PADI4: variants seen among roughly 807,000 people sequenced by gnomAD.
The protein encoded by PADI4 is peptidyl arginine deiminase 4.
A neutral mutation model predicts 75.0 loss-of-function variants in PADI4; 62 were observed. That is an observed-to-expected ratio of 0.83 (90% CI 0.67 to 1.02). PADI4 has a LOEUF of 1.02. Ranked by LOEUF, PADI4 falls within the 50% of genes least tolerant of loss-of-function variation. The pLI is 0.00. For synonymous variants in PADI4, 361 were observed against 348.1 expected, an observed-to-expected ratio of 1.04 and a Z score of -0.41; for missense variants, 845 against 850.5, an observed-to-expected ratio of 0.99 and a Z score of 0.08.
At chr1:17,352,740 G>A (rs901326004) in intron 10 of PADI4, among the ~76,000 whole-genome samples, 1 of 152,186 alleles carries the variant, frequency 6.6e-6, no homozygotes, top group Non-Finnish European at 1.5e-5. Flanking sequence ...GGGAAGAGGG[G>A]ACCCAAAGTT....
chr1:17,354,696 G>A lies in PADI4; in HGVS notation c.1310+9G>A. On this transcript the variant is annotated intron_variant, in intron 11 of 15. Coordinates refer to ENST00000375448, the MANE Select transcript of PADI4 (RefSeq NM_012387.3). ...GACAGCTGTTATCCCAGGTAAGGAG[G>A]GGAGTAACAGGAAGGGGTGGCCAGG... is the stretch of plus-strand genomic sequence containing the variant. 2 of 1,589,986 alleles carry A rather than the reference G, an allele frequency of 1.3e-6. No individual in the cohort carries two copies. Among genetic ancestry groups the A allele is most frequent in the Non-Finnish European group, 1.7e-6 (2 of 1,166,966 alleles).
intron 1 of PADI4, among the ~76,000 whole-genome samples, 169 bp downstream of exon 1, chr1:17,308,483 C>T (rs1156240376): frequency 2.6e-5 from 4 of 152,192 alleles, no homozygotes; most frequent in African/African-American, 9.7e-5. Context: ...TGGGAAGTGC[C>T]AGTCTCATGG....
chr1:17,339,610 C>T, intron 5 of PADI4, 78 bp from the exon 6 acceptor site: 1 of 1,540,960 alleles, frequency 6.5e-7, no homozygotes, highest in Non-Finnish European at 8.9e-7. Context: ...TGAGGCTCCA[C>T]CAGGAGGTGA....
chr1:17,329,398 A>T (rs1157168149), intron 1 of PADI4, among the ~76,000 whole-genome samples: 2 of 152,072 alleles, frequency 1.3e-5, no homozygotes, highest in African/African-American at 4.8e-5. Context: ...ACTACTGTTG[A>T]TGGGAGGCTT....
intron 4 of PADI4, 69 bp from the exon 5 acceptor site, chr1:17,337,969 A>C: frequency 1.3e-6 from 1 of 769,468 alleles, no homozygotes; most frequent in Non-Finnish European, 2.2e-6. Flanking sequence ...GGGAGTTGCT[A>C]TGCCTCTTGC....
Position 17,356,572 on chromosome 1 carries a change from G to A in PADI4, c.1558+113G>A, listed in dbSNP as rs1250675212. 9.0e-6 allele frequency: 6 copies of A among 665,852 alleles called. No homozygotes were observed. Among genetic ancestry groups the A allele is most frequent in the Non-Finnish European group, 1.3e-5 (5 of 371,698 alleles). The allele number at this position is 665,852 out of a possible 1,614,324, so 41.2% of individuals were successfully genotyped here. On this transcript the variant is annotated intron_variant, in intron 13 of 15. Coordinates refer to ENST00000375448, the MANE Select transcript of PADI4 (RefSeq NM_012387.3). The surrounding 1 kb of genome is among the most constrained non-coding windows in gnomAD (Gnocchi z 4.1). ...AGGGTAGCATCTGAGCACCTACTGT[G>A]CGCCAGGCACTGTGCCAAGTGCTAG...
chr1:17,342,932 G>T (rs1034883021), intron 8 of PADI4, among the ~76,000 whole-genome samples: 1 of 151,994 alleles, frequency 6.6e-6, no homozygotes, highest in Non-Finnish European at 1.5e-5. Context: ...CTGAGATTGC[G>T]CCACTGCGCT....
At chr1:17,341,879 G>T in intron 6 of PADI4, 64 bp from the exon 7 acceptor site, 1 of 1,295,254 alleles carries the variant, frequency 7.7e-7, no homozygotes, top group Admixed American at 2.0e-5. Context: ...GGAGCACTAA[G>T]GAGAGGAGGA....
chr1:17,310,299 C>T (rs2073797202), intron 1 of PADI4, among the ~76,000 whole-genome samples: 1 of 152,170 alleles, frequency 6.6e-6, no homozygotes, highest in Non-Finnish European at 1.5e-5. Flanking sequence ...GGAGCCAGGA[C>T]TCAACCCAGG....
intron 10 of PADI4, among the ~76,000 whole-genome samples, chr1:17,353,495 C>T (rs1387648133): frequency 1.3e-5 from 2 of 152,040 alleles, no homozygotes; most frequent in Admixed American, 6.6e-5. Flanking sequence ...CATAATTTGG[C>T]GTCTACTCTC....
At chr1:17,355,784 C>G (rs925656842) in intron 11 of PADI4, among the ~76,000 whole-genome samples, 199 bp from the exon 12 acceptor site, 16 of 152,212 alleles carry the variant, frequency 1.1e-4, no homozygotes, top group African/African-American at 3.9e-4. Context: ...GACTCTGTGC[C>G]TCAGTTTCCC....
intron 15 of PADI4, among the ~76,000 whole-genome samples, chr1:17,362,803 T>C (rs574831845): frequency 1.3e-5 from 2 of 152,268 alleles, no homozygotes; most frequent in African/African-American, 4.8e-5. Flanking sequence ...AGTTTTCTCA[T>C]TTGTAAAGTG....
chr1:17,354,306 C>G lies in PADI4; in HGVS notation c.1156-227C>G, dbSNP rs148339308. Among the ~76,000 whole-genome samples, 401 of 152,284 alleles carry G rather than the reference C, an allele frequency of 2.6e-3. 1 individual carries two copies. Among genetic ancestry groups the G allele is most frequent in the African/African-American group, 8.4e-3 (351 of 41,562 alleles). ...GCCCAAGTTAAGGTTTACCAAGCAG[C>G]TGGCACGCTTTAGGGACCCAACAAA... On this transcript the variant is annotated intron_variant, in intron 10 of 15. Transcript: ENST00000375448.
chr1:17,318,767 A>G (rs1462855269), intron 1 of PADI4, among the ~76,000 whole-genome samples: 2 of 146,384 alleles, frequency 1.4e-5, no homozygotes, highest in South Asian at 2.2e-4. Flanking sequence ...CTCACTGCAA[A>G]CTCCGCCTCC....
At position 17,331,005 on chromosome 1, in the gene PADI4, C is replaced by T. The variant is rs138052968; in HGVS notation, c.129C>T (p.Asn43=). The change falls in exon 2 of 16, where the codon AAC becomes AAT. Residue 43 remains asparagine, a synonymous_variant. Transcript: ENST00000375448. ...APEDCTSFSI[N]ASPGVVVDIA... ...AGGACTGCACGTCCTTCAGCATCAA[C>T]GCCTCCCCAGGGGTGGTCGTGGATA... 1.7e-4 allele frequency: 270 copies of T among 1,594,514 alleles called. 1 individual carries two copies. The highest frequency in any genetic ancestry group is 2.0e-4 in the Non-Finnish European group (238 of 1,172,560).
chr1:17,340,418 G>A (rs990498766), intron 6 of PADI4, among the ~76,000 whole-genome samples: 4 of 152,128 alleles, frequency 2.6e-5, no homozygotes, highest in African/African-American at 9.7e-5. Context: ...TGTGGAGAGA[G>A]GGTGGCCAGG....
chr1:17,344,160 G>A (rs2074473456), intron 8 of PADI4, among the ~76,000 whole-genome samples: 1 of 152,216 alleles, frequency 6.6e-6, no homozygotes, highest in Admixed American at 6.5e-5. Context: ...GGTGACTCTT[G>A]TTATGTTTTA....
chr1:17,336,164 T>A lies in PADI4; in HGVS notation c.346T>A (p.Ser116Thr). 2 of 1,612,240 alleles carry A rather than the reference T, an allele frequency of 1.2e-6. No individual in the cohort carries two copies. Among genetic ancestry groups the A allele is most frequent in the Non-Finnish European group, 1.7e-6 (2 of 1,178,292 alleles). The change falls in exon 4 of 16, where the codon TCC becomes ACC. Residue 116 changes from serine (S) to threonine (T), a missense_variant. Ser to Thr is a moderately conservative substitution (Grantham distance 58). Transcript: ENST00000375448. ...CTTACTTGATGGGATTTCAGAAATC[T>A]CCTTGTGCGCAGACATCACCCGCAC... Reference protein sequence around the residue: ...ALLYLTGVEISLCADITRTGK... With the variant: ...ALLYLTGVEITLCADITRTGK...
At chr1:17,330,633 A>G (rs1465627902) in intron 1 of PADI4, among the ~76,000 whole-genome samples, 1 of 152,174 alleles carries the variant, frequency 6.6e-6, no homozygotes, top group Non-Finnish European at 1.5e-5. Flanking sequence ...AGCGGAAGGA[A>G]GCATCCAGCA....
Sources: allele counts gnomAD v4.1 joint callset (sites outside exome capture counted in the v4.1 genomes callset), GRCh38; gene constraint gnomAD v4.1.1; non-coding constraint Gnocchi (gnomAD v3.1); transcripts MANE v1.5; gene names NCBI Gene and HGNC (gene_info 2026-07-23, HGNC 2026-07-21).